Variants in PIBF1 observed in about 807,000 individuals in gnomAD.
The protein encoded by PIBF1 is progesterone immunomodulatory binding factor 1.
PIBF1 carries 90 observed loss-of-function variants against 112.5 expected under a neutral mutation model. That is an observed-to-expected ratio of 0.80 (90% CI 0.67 to 0.95). PIBF1 has a LOEUF of 0.95. Among genes scored for constraint, PIBF1 ranks in the 40% least tolerant of loss-of-function variants. PIBF1 has a pLI of 0.00. For synonymous variants in PIBF1, 301 were observed against 288.6 expected, an observed-to-expected ratio of 1.04 and a Z score of -0.44; for missense variants, 915 against 852.3, an observed-to-expected ratio of 1.07 and a Z score of -0.92.
chr13:72,987,580 G>A (rs1298557175), intron 16 of PIBF1, among the ~76,000 whole-genome samples: 1 of 151,568 alleles, frequency 6.6e-6, no homozygotes, highest in Non-Finnish European at 1.5e-5. Context: ...TACTTAATTT[G>A]AATGCTGTTT....
At chr13:73,013,259 C>A (rs1238327567) in intron 17 of PIBF1, among the ~76,000 whole-genome samples, 23 of 140,248 alleles carry the variant, frequency 1.6e-4, no homozygotes, top group African/African-American at 4.0e-4. Flanking sequence ...CGAGATCGCG[C>A]CACTGCACTC....
chr13:72,787,326 G>A (rs2034653969), intron 2 of PIBF1, among the ~76,000 whole-genome samples: 1 of 152,156 alleles, frequency 6.6e-6, no homozygotes, highest in African/African-American at 2.4e-5. Context: ...CACTCCAGAT[G>A]AACAAAGTGC....
chr13:72,850,518 C>T (rs1384646095), intron 9 of PIBF1, among the ~76,000 whole-genome samples: 2 of 152,150 alleles, frequency 1.3e-5, no homozygotes, highest in African/African-American at 2.4e-5. Flanking sequence ...TTTCATTTCT[C>T]ATGTCCATTG....
rs747475379 is a variant in PIBF1 at position 73,011,891 on chromosome 13, C to G, written c.2224-3978C>G. Among the ~76,000 whole-genome samples the G allele has an allele frequency of 6.4e-4, 98 of 152,020 alleles. 1 individual carries two copies. The highest frequency in any genetic ancestry group is 8.8e-5 in the Non-Finnish European group (6 of 68,040). ...ATTGTGCCATAAATGTTGGAATTAA[C>G]AGACAGAGAACCTAAAACAACTATG... On this transcript the variant is annotated intron_variant, in intron 17 of 17. Transcript: ENST00000326291.
In PIBF1 at chr13:73,002,840, C is replaced by T. The variant is rs9543198; in HGVS notation, c.2223+3845C>T. On this transcript the variant is annotated intron_variant, in intron 17 of 17. Coordinates refer to ENST00000326291, the MANE Select transcript of PIBF1 (RefSeq NM_006346.4). The stretch of plus-strand genomic sequence containing the variant: ...CTCTACTAAAAATACCAAAATTATT[C>T]AGGTGTGGTGGTGCATGCCTGTAGT... Among the ~76,000 whole-genome samples the T allele has an allele frequency of 7.2e-3, 1,091 of 151,772 alleles. 7 individuals carry two copies. Among genetic ancestry groups the T allele is most frequent in the Admixed American group, 0.013 (205 of 15,234 alleles).
chr13:72,811,412 A>G (rs1037659451), intron 5 of PIBF1, among the ~76,000 whole-genome samples: 4 of 152,096 alleles, frequency 2.6e-5, no homozygotes, highest in South Asian at 2.1e-4. Flanking sequence ...AGACCTGAAC[A>G]TCGGGAAACC....
chr13:72,963,972 C>G (rs1045740355), intron 14 of PIBF1, among the ~76,000 whole-genome samples: 2 of 152,188 alleles, frequency 1.3e-5, no homozygotes, highest in African/African-American at 4.8e-5. Flanking sequence ...CAGTTCTACT[C>G]CACTTCTAGG....
At chr13:72,821,601 C>T (rs1409120674) in intron 5 of PIBF1, among the ~76,000 whole-genome samples, 1 of 152,140 alleles carries the variant, frequency 6.6e-6, no homozygotes, top group Non-Finnish European at 1.5e-5. Context: ...GTAACTAAAA[C>T]ATAGTTGTTG....
At chr13:72,993,015 T>C (rs2043528650) in intron 16 of PIBF1, among the ~76,000 whole-genome samples, 1 of 152,200 alleles carries the variant, frequency 6.6e-6, no homozygotes, top group Non-Finnish European at 1.5e-5. Flanking sequence ...TCAGAAAGAT[T>C]TGGAAAAGTA....
At chr13:72,896,417 A>T (rs2040283858) in intron 11 of PIBF1, among the ~76,000 whole-genome samples, 1 of 152,140 alleles carries the variant, frequency 6.6e-6, no homozygotes, top group Non-Finnish European at 1.5e-5. Context: ...TCCAAAAATC[A>T]CACTAGTTCA....
chr13:72,802,119 T>A (rs927541637), intron 5 of PIBF1, among the ~76,000 whole-genome samples: 4 of 152,196 alleles, frequency 2.6e-5, no homozygotes, highest in Non-Finnish European at 5.9e-5. Flanking sequence ...CAGTAGGCTA[T>A]CTGTAGTTAA....
chr13:72,882,762 G>C (rs2039693739), intron 10 of PIBF1, among the ~76,000 whole-genome samples: 1 of 152,108 alleles, frequency 6.6e-6, no homozygotes, highest in African/African-American at 2.4e-5. Flanking sequence ...CAGTTAAAAG[G>C]GCATTTATCC....
intron 16 of PIBF1, among the ~76,000 whole-genome samples, chr13:72,977,008 C>T (rs1277777933): frequency 4.6e-5 from 7 of 152,066 alleles, no homozygotes; most frequent in East Asian, 3.8e-4. Context: ...TACCTAAGGC[C>T]GCTAGCTTGT....
At chr13:72,835,673 A>G (rs1566335153) in intron 9 of PIBF1, among the ~76,000 whole-genome samples, 1 of 152,122 alleles carries the variant, frequency 6.6e-6, no homozygotes, top group East Asian at 1.9e-4. Context: ...GAGTGCTGAG[A>G]TATCAGTTCT....
Position 72,833,966 on chromosome 13 carries a change from T to C in PIBF1, c.1098-1277T>C, listed in dbSNP as rs77974678. ...TTTTAAAAAGACACTGTGGTTTTTT[T>C]CAGCAATATCAAAAGCCTATTTCTT... On this transcript the variant is annotated intron_variant, in intron 8 of 17. Coordinates refer to ENST00000326291, the MANE Select transcript of PIBF1 (RefSeq NM_006346.4). 7.9e-5 allele frequency among the ~76,000 whole-genome samples: 12 copies of C among 152,344 alleles called. No individual in the cohort carries two copies. The South Asian group carries it at 2.3e-3, about 29-fold the overall frequency.
chr13:72,890,559 G>A (rs927477436), intron 10 of PIBF1, among the ~76,000 whole-genome samples: 3 of 152,186 alleles, frequency 2.0e-5, no homozygotes, highest in Admixed American at 2.0e-4. Context: ...TTTTAGGCCT[G>A]GGGATGAGAT....
intron 16 of PIBF1, among the ~76,000 whole-genome samples, chr13:72,981,083 A>G (rs2138967322): frequency 6.6e-6 from 1 of 151,464 alleles, no homozygotes; most frequent in East Asian, 2.0e-4. Context: ...TGTCTCTACT[A>G]AAAACACAAA....
At chr13:72,957,524 A>AG (rs942659690) in intron 14 of PIBF1, among the ~76,000 whole-genome samples, 1 of 152,152 alleles carries the variant, frequency 6.6e-6, no homozygotes, top group African/African-American at 2.4e-5. Context: ...GAAGGGTGGG[A>AG]GCAGGGTGGA....
chr13:72,979,317 A>G (rs1395574463), intron 16 of PIBF1, among the ~76,000 whole-genome samples: 2 of 152,174 alleles, frequency 1.3e-5, no homozygotes, highest in Non-Finnish European at 2.9e-5. Context: ...ACGAAACAAG[A>G]TTTACTGATC....
Sources: gnomAD v4.1 joint callset for allele counts (sites outside exome capture counted in the v4.1 genomes callset) on GRCh38, gnomAD v4.1.1 for gene constraint, MANE v1.5 for transcripts, NCBI Gene and HGNC (gene_info 2026-07-23, HGNC 2026-07-21) for gene names.